The following PCNX1 variants were observed in gnomAD, a reference collection of about 807,000 sequenced individuals.
PCNX1 encodes pecanex-like protein 1.
Under a neutral mutation model 242.2 loss-of-function variants are expected in PCNX1, and 78 were observed. The ratio of observed to expected loss-of-function variants is 0.32; its 90% confidence interval spans 0.27 to 0.39. The LOEUF is 0.39. Ranked by LOEUF, PCNX1 falls within the 10% of genes least tolerant of loss-of-function variation. The pLI, the probability that PCNX1 is intolerant of heterozygous loss-of-function variation, is 1.00. For synonymous variants in PCNX1, 1,024 were observed against 1,032.9 expected (o/e 0.99, Z 0.17); for missense variants, 2,581 against 2,856.5 (o/e 0.90, Z 2.20).
chr14:71,061,062 C>G (rs1289761532), intron 26 of PCNX1, among the ~76,000 whole-genome samples: 1 of 152,162 alleles, frequency 6.6e-6, no homozygotes, highest in Non-Finnish European at 1.5e-5. Context: ...CAGGGCAAAT[C>G]TTCAGTATAG....
chr14:71,008,223 A>G (rs1463931660), intron 8 of PCNX1, among the ~76,000 whole-genome samples: 1 of 152,180 alleles, frequency 6.6e-6, no homozygotes, highest in East Asian at 1.9e-4. Flanking sequence ...TCTTAGTCAT[A>G]TTAGTACATT....
At position 71,111,287 on chromosome 14, in the gene PCNX1, T is replaced by A. The variant is rs1003968644; in HGVS notation, c.*1352T>A. 1 of 152,652 alleles carries A rather than the reference T, an allele frequency of 6.6e-6. No individual in the cohort carries two copies. Among genetic ancestry groups the A allele is most frequent in the Admixed American group, 6.5e-5 (1 of 15,284 alleles). The allele number at this position is 152,652 out of a possible 1,614,324, so 9.5% of individuals were successfully genotyped here. On this transcript the variant is annotated 3_prime_UTR_variant, in exon 36 of 36. Transcript: ENST00000304743. ...TTAATTTGCAACTCTTAGCATTTTT[T>A]AAATCCTTGATAAAATTTTCCCTTT...
chr14:71,035,046 C>T lies in PCNX1; in HGVS notation c.3774+1010C>T, dbSNP rs11849329. 9.7e-3 allele frequency among the ~76,000 whole-genome samples: 1,483 copies of T among 152,164 alleles called. 29 individuals carry two copies. Among genetic ancestry groups the T allele is most frequent in the African/African-American group, 0.033 (1,378 of 41,516 alleles). ...GATATAAGTTATCCAAAGGGATATA[C>T]CCCTATAAATGACACCGTGGTCAGG... On this transcript the variant is annotated intron_variant, in intron 18 of 35. Coordinates refer to ENST00000304743, the MANE Select transcript of PCNX1 (RefSeq NM_014982.3).
intron 12 of PCNX1, 88 bp downstream of exon 12, chr14:71,019,250 A>G: frequency 9.6e-7 from 1 of 1,037,936 alleles, no homozygotes; most frequent in Non-Finnish European, 1.4e-6. Context: ...TTATAGTAAG[A>G]TAATTATTTT....
Position 70,957,357 on chromosome 14 carries a change from T to C in PCNX1, c.363-4869T>C, listed in dbSNP as rs1029378906. ...AATTTGGACTTGCTATCAAAAGTGA[T>C]GTATAAAACTAGGCAAGATTATCCA... On this transcript the variant is annotated intron_variant, in intron 2 of 35. Transcript: ENST00000304743. Among the ~76,000 whole-genome samples, 4 of 152,312 alleles carry C rather than the reference T, an allele frequency of 2.6e-5. 1 individual carries two copies. In the South Asian group the frequency reaches 8.3e-4, roughly 32 times the overall value.
chr14:71,108,660 C>A lies in PCNX1; in HGVS notation c.6358C>A (p.Arg2120=). 6.2e-7 allele frequency: 1 copy of A among 1,614,178 alleles called. No individual in the cohort carries two copies. The highest frequency in any genetic ancestry group is 1.6e-4 in the Middle Eastern group (1 of 6,062). Residue 2120 remains arginine (R), a synonymous_variant, in exon 34 of 36, where the codon CGG becomes AGG. Transcript: ENST00000304743. The part of the protein sequence containing the change: ...QSGLVRQSPA[R]ASVASQSSYC... ...GGGCCTGGTCAGACAGTCTCCTGCCCGGGCCTCAGTAGCCAGCCAGTCTTC... is the reference window on the plus strand; with the variant it reads ...GGGCCTGGTCAGACAGTCTCCTGCCAGGGCCTCAGTAGCCAGCCAGTCTTC...
chr14:71,092,515 CAA>C (rs2062161786), intron 30 of PCNX1: 2 of 152,170 alleles, frequency 1.3e-5, no homozygotes, highest in South Asian at 4.1e-4. Flanking sequence ...TTCTGCCAAC[CAA>C]AAGGCAGCAG....
At chr14:71,088,221 A>G (rs2062041067) in intron 28 of PCNX1, 109 bp from the exon 29 acceptor site, 1 of 553,056 alleles carries the variant, frequency 1.8e-6, no homozygotes, top group Admixed American at 2.7e-5. Context: ...AGGAGATAGA[A>G]ATTATGTACT....
chr14:70,923,631 TC>T (rs563459425), intron 1 of PCNX1, among the ~76,000 whole-genome samples: 94 of 152,298 alleles, frequency 6.2e-4, no homozygotes, highest in Admixed American at 4.8e-3. Context: ...TGTCTGCCTC[TC>T]CCCTACCATA....
chr14:71,039,283 G>T (rs1595343848), intron 19 of PCNX1, among the ~76,000 whole-genome samples: 1 of 152,002 alleles, frequency 6.6e-6, no homozygotes, highest in East Asian at 1.9e-4. Context: ...GATTTCTCTG[G>T]GTTATGAATC....
intron 27 of PCNX1, 94 bp downstream of exon 27, chr14:71,073,892 T>A (rs1000269123): frequency 8.4e-6 from 7 of 831,458 alleles, no homozygotes; most frequent in African/African-American, 1.8e-5. Context: ...TACTTTTTTT[T>A]AACGTATGCT....
chr14:70,984,802 C>T (rs1363426033), intron 6 of PCNX1, among the ~76,000 whole-genome samples: 1 of 152,198 alleles, frequency 6.6e-6, no homozygotes, highest in Non-Finnish European at 1.5e-5. Flanking sequence ...GCTCTTTGGG[C>T]ATCCCAGCTA....
chr14:70,941,320 C>G (rs1010761299), intron 1 of PCNX1, among the ~76,000 whole-genome samples: 1 of 152,114 alleles, frequency 6.6e-6, no homozygotes, highest in South Asian at 2.1e-4. Flanking sequence ...GTGTGGATGT[C>G]CTTTCTATTT....
chr14:71,102,795 A>G (rs796253959), intron 31 of PCNX1, among the ~76,000 whole-genome samples: 5 of 152,232 alleles, frequency 3.3e-5, no homozygotes, highest in African/African-American at 1.2e-4. Flanking sequence ...TATATTTTAT[A>G]TATGCAATTT....
chr14:70,919,217 G>A (rs1594891945), intron 1 of PCNX1, among the ~76,000 whole-genome samples: 1 of 152,092 alleles, frequency 6.6e-6, no homozygotes, highest in Non-Finnish European at 1.5e-5. Context: ...CCAGTAATAA[G>A]TATCAGTAAT....
chr14:70,932,357 TC>T (rs2056834154), intron 1 of PCNX1, among the ~76,000 whole-genome samples: 1 of 152,140 alleles, frequency 6.6e-6, no homozygotes, highest in Non-Finnish European at 1.5e-5. Flanking sequence ...AATGTAAACT[TC>T]GGGGTATCTT....
intron 6 of PCNX1, among the ~76,000 whole-genome samples, chr14:70,984,562 A>G (rs2058941421): frequency 6.6e-6 from 1 of 150,766 alleles, no homozygotes; most frequent in Non-Finnish European, 1.5e-5. Context: ...AATTTTTTGT[A>G]TTTTTAGTAG....
chr14:70,912,666 G>A (rs2055975085), intron 1 of PCNX1, among the ~76,000 whole-genome samples: 1 of 151,796 alleles, frequency 6.6e-6, no homozygotes, highest in Non-Finnish European at 1.5e-5. Context: ...CTGCTCAGAG[G>A]AAAAGACATA....
chr14:71,088,849 A>C (rs1291499725), intron 29 of PCNX1, among the ~76,000 whole-genome samples: 1 of 152,212 alleles, frequency 6.6e-6, no homozygotes. Flanking sequence ...TTCCTAACAT[A>C]TACATCCAAA....
Sources: allele counts gnomAD v4.1 joint callset (sites outside exome capture counted in the v4.1 genomes callset), GRCh38; gene constraint gnomAD v4.1.1; transcripts MANE v1.5; gene names NCBI Gene and HGNC (gene_info 2026-07-23, HGNC 2026-07-21).